The following SLC24A4 variants were observed in gnomAD, a reference collection of about 807,000 sequenced individuals.
The protein encoded by SLC24A4 is sodium/potassium/calcium exchanger 4.
SLC24A4 carries 53 observed loss-of-function variants against 79.0 expected under a neutral mutation model. The ratio of observed to expected loss-of-function variants is 0.67; its 90% CI spans 0.54 to 0.84. SLC24A4 has a LOEUF of 0.84. Ranked by LOEUF, SLC24A4 falls within the 40% of genes least tolerant of loss-of-function variation. The probability of loss-of-function intolerance (pLI) is 0.00; values close to 1 mark genes in which losing one functional copy is unlikely to be tolerated. For missense variants in SLC24A4, 731 were observed against 822.0 expected, an observed-to-expected ratio of 0.89 and a Z score of 1.35; for synonymous variants, 323 against 323.8, an observed-to-expected ratio of 1.00 and a Z score of 0.03.
intron 10 of SLC24A4, chr14:92,452,771 A>AGAGGCTT (rs1555371835): frequency 6.6e-6 from 1 of 152,276 alleles, no homozygotes; most frequent in Admixed American, 6.5e-5. Flanking sequence ...TGACAAATGC[A>AGAGGCTT]TGTTCTCCTG....
Position 92,490,766 on chromosome 14 carries a change from A to G in SLC24A4, c.1538-899A>G, listed in dbSNP as rs77893123. On this transcript the variant is annotated intron_variant, in intron 14 of 16. Coordinates refer to ENST00000532405, the MANE Select transcript of SLC24A4 (RefSeq NM_153646.4). This position sits in a 1 kb window ranked among gnomAD's most constrained non-coding sequence, Gnocchi z 4.3. ...GAGTCCTCATAGAACATCAGCTGAC[A>G]AGCCTGGCAGGAGAGATCATGAAGG... Among the ~76,000 whole-genome samples, 28,082 of 152,170 alleles carry G rather than the reference A, an allele frequency of 0.18. 2,773 individuals are homozygous for G. Among genetic ancestry groups the G allele is most frequent in the East Asian group, 0.31 (1,586 of 5,174 alleles).
chr14:92,375,702 G>A (rs1888461253), intron 2 of SLC24A4, among the ~76,000 whole-genome samples: 1 of 152,220 alleles, frequency 6.6e-6, no homozygotes, highest in Non-Finnish European at 1.5e-5. Context: ...GAAGCCAGAG[G>A]ACAAAGGCCG....
chr14:92,342,372 A>ATTTATTTATTTG (rs1429988744), intron 2 of SLC24A4, among the ~76,000 whole-genome samples: 1 of 147,686 alleles, frequency 6.8e-6, no homozygotes, highest in African/African-American at 2.5e-5. Flanking sequence ...CCATTTATTT[A>ATTTATTTATTTG]TTTATTTATT....
At chr14:92,465,896 T>G (rs1029497161) in intron 12 of SLC24A4, among the ~76,000 whole-genome samples, 3 of 152,210 alleles carry the variant, frequency 2.0e-5, no homozygotes, top group African/African-American at 7.2e-5. Context: ...ACTTTGCTGA[T>G]ACCTGATGTT....
At chr14:92,423,277 T>G (rs1378924487) in intron 2 of SLC24A4, among the ~76,000 whole-genome samples, 1 of 152,120 alleles carries the variant, frequency 6.6e-6, no homozygotes, top group African/African-American at 2.4e-5. Flanking sequence ...CCTGAGTAGC[T>G]GGGATTACAG....
chr14:92,355,343 G>T (rs1052780512), intron 2 of SLC24A4, among the ~76,000 whole-genome samples: 7 of 152,168 alleles, frequency 4.6e-5, no homozygotes, highest in Non-Finnish European at 7.4e-5. Context: ...GAGGGCAGAT[G>T]GTGGCACAGG....
chr14:92,416,593 A>G (rs915845648), intron 2 of SLC24A4, among the ~76,000 whole-genome samples: 2 of 152,232 alleles, frequency 1.3e-5, no homozygotes, highest in African/African-American at 4.8e-5. Context: ...GGAAAAGGCC[A>G]CAGGCTGGAG....
rs1163073611 is a variant in SLC24A4 at position 92,420,640 on chromosome 14, A to G, written c.242-13272A>G. On this transcript the variant is annotated intron_variant, in intron 2 of 16. Coordinates refer to ENST00000532405, the MANE Select transcript of SLC24A4 (RefSeq NM_153646.4). Reference sequence around the variant, plus strand: ...AACAGCAGTAGCAGCTCATTCTCACAATGTCAAGGTGCGTCCCAGGGACCT... The same window carrying G: ...AACAGCAGTAGCAGCTCATTCTCACGATGTCAAGGTGCGTCCCAGGGACCT... Among the ~76,000 whole-genome samples, 4 of 152,304 alleles carry G rather than the reference A, an allele frequency of 2.6e-5. No individual in the cohort carries two copies. In the East Asian group the frequency reaches 7.7e-4, roughly 29 times the overall value.
chr14:92,491,003 G>T (rs1895647056), intron 14 of SLC24A4, among the ~76,000 whole-genome samples: 1 of 152,184 alleles, frequency 6.6e-6, no homozygotes, highest in East Asian at 1.9e-4. Flanking sequence ...TGTCCTGAAA[G>T]AACCTCCTTA....
intron 2 of SLC24A4, among the ~76,000 whole-genome samples, chr14:92,411,539 C>T (rs537507027): frequency 5.3e-5 from 8 of 152,036 alleles, no homozygotes; most frequent in Admixed American, 2.6e-4. Context: ...CCCAAGAGCC[C>T]GCTGTCTCTC....
intron 11 of SLC24A4, among the ~76,000 whole-genome samples, chr14:92,454,431 G>A (rs1476900475): frequency 6.6e-6 from 1 of 152,138 alleles, no homozygotes; most frequent in East Asian, 1.9e-4. Context: ...ACTCCAGAAG[G>A]AAATCTAAGA....
At chr14:92,456,670 C>G in intron 12 of SLC24A4, 62 bp downstream of exon 12, 1 of 1,541,578 alleles carries the variant, frequency 6.5e-7, no homozygotes, top group Non-Finnish European at 8.8e-7. Flanking sequence ...AGGACCAAGC[C>G]CAGGTCTTCA....
intron 11 of SLC24A4, among the ~76,000 whole-genome samples, chr14:92,456,173 G>A (rs1893446794): frequency 6.6e-6 from 1 of 152,220 alleles, no homozygotes; most frequent in African/African-American, 2.4e-5. Flanking sequence ...GGAAGGGGTG[G>A]CCCAGGCCCT....
rs947488727 is a variant in SLC24A4, at chr14:92,406,166, A to G, written c.242-27746A>G. Among the ~76,000 whole-genome samples the G allele has an allele frequency of 2.0e-5, 3 of 152,336 alleles. No homozygotes were observed. In the East Asian group the frequency reaches 5.8e-4, roughly 29 times the overall value. On this transcript the variant is annotated intron_variant, in intron 2 of 16. Transcript: ENST00000532405. Reference sequence around the variant, plus strand: ...CAGTCATTAAATCTTAAAGCTCCAAAATAATCTCCTTTGACTCTATGTCTC... The same window carrying G: ...CAGTCATTAAATCTTAAAGCTCCAAGATAATCTCCTTTGACTCTATGTCTC...
At chr14:92,393,563 T>G (rs1889606428) in intron 2 of SLC24A4, among the ~76,000 whole-genome samples, 1 of 149,818 alleles carries the variant, frequency 6.7e-6, no homozygotes, top group African/African-American at 2.5e-5. Context: ...TTTTTTTTTT[T>G]TTTACGGAGT....
chr14:92,465,573 C>G (rs1894057710), intron 12 of SLC24A4, among the ~76,000 whole-genome samples: 1 of 152,158 alleles, frequency 6.6e-6, no homozygotes, highest in Non-Finnish European at 1.5e-5. Context: ...GCCGAGGGAG[C>G]TCTGGGCCCG....
chr14:92,412,375 T>C (rs149282608), intron 2 of SLC24A4, among the ~76,000 whole-genome samples: 29 of 152,288 alleles, frequency 1.9e-4, no homozygotes, highest in African/African-American at 6.5e-4. Flanking sequence ...GGAAGGGCAG[T>C]TCCCCCCAGG....
intron 12 of SLC24A4, among the ~76,000 whole-genome samples, chr14:92,471,275 G>A (rs533590959): frequency 4.6e-5 from 7 of 152,130 alleles, no homozygotes; most frequent in African/African-American, 9.7e-5. Context: ...TCCTAGCAGG[G>A]ACAAGGAGGA....
At chr14:92,360,862 G>T (rs1356796307) in intron 2 of SLC24A4, among the ~76,000 whole-genome samples, 1 of 152,062 alleles carries the variant, frequency 6.6e-6, no homozygotes, top group Admixed American at 6.5e-5. Flanking sequence ...CTCCTCTCAG[G>T]GTTTCTACGA....
Sources: gnomAD v4.1 joint callset for allele counts (sites outside exome capture counted in the v4.1 genomes callset) on GRCh38, gnomAD v4.1.1 for gene constraint, Gnocchi (gnomAD v3.1) non-coding constraint, MANE v1.5 for transcripts, NCBI Gene and HGNC (gene_info 2026-07-23, HGNC 2026-07-21) for gene names.